ASAP1: variants seen among roughly 807,000 people sequenced by gnomAD.
ASAP1 encodes ArfGAP with SH3 domain, ankyrin repeat and PH domain 1.
A neutral mutation model predicts 145.2 loss-of-function variants in ASAP1; 43 were observed. That is an observed-to-expected ratio of 0.30 (90% CI 0.23 to 0.38). The LOEUF (loss-of-function observed/expected upper bound fraction) is 0.38. Among genes scored for constraint, ASAP1 ranks in the 10% least tolerant of loss-of-function variants. The pLI is 1.00. For synonymous variants in ASAP1, 546 were observed against 515.5 expected (o/e 1.06, Z -0.80); for missense variants, 1,018 against 1,355.3 (o/e 0.75, Z 3.91).
At chr8:130,139,054 G>A (rs2097602762) in intron 13 of ASAP1, among the ~76,000 whole-genome samples, 1 of 152,096 alleles carries the variant, frequency 6.6e-6, no homozygotes, top group Non-Finnish European at 1.5e-5. Context: ...CCCAGTTAAT[G>A]GTGAGAACAA....
intron 3 of ASAP1, among the ~76,000 whole-genome samples, chr8:130,289,027 A>C (rs901768053): frequency 6.6e-6 from 1 of 152,178 alleles, no homozygotes; most frequent in African/African-American, 2.4e-5. Context: ...TCTACTAAAA[A>C]TACAAAAAAT....
intron 4 of ASAP1, among the ~76,000 whole-genome samples, chr8:130,231,667 G>A (rs1817915598): frequency 6.6e-6 from 1 of 152,198 alleles, no homozygotes; most frequent in South Asian, 2.1e-4. Context: ...TACCTGTGTT[G>A]TGTGAGAATG....
chr8:130,412,968 A>G (rs1303209700), intron 1 of ASAP1, among the ~76,000 whole-genome samples: 1 of 152,220 alleles, frequency 6.6e-6, no homozygotes, highest in African/African-American at 2.4e-5. Flanking sequence ...TAACAAAGCT[A>G]GCATATATTG....
chr8:130,112,361 A>T, intron 23 of ASAP1, 39 bp from the exon 24 acceptor site: 1 of 1,584,132 alleles, frequency 6.3e-7, no homozygotes, highest in Non-Finnish European at 8.6e-7. Flanking sequence ...ATAATCAAGG[A>T]CCACCCTTCA....
At chr8:130,440,627 C>T (rs1830459712) in intron 1 of ASAP1, among the ~76,000 whole-genome samples, 1 of 152,052 alleles carries the variant, frequency 6.6e-6, no homozygotes, top group South Asian at 2.1e-4. Flanking sequence ...GTGATCTCGT[C>T]CCTGCTTCCC....
intron 4 of ASAP1, among the ~76,000 whole-genome samples, chr8:130,220,023 A>G (rs1426974521): frequency 6.6e-6 from 1 of 152,184 alleles, no homozygotes; most frequent in Non-Finnish European, 1.5e-5. Context: ...TCCTGGGCTC[A>G]TGTGTTCCTC....
intron 5 of ASAP1, among the ~76,000 whole-genome samples, chr8:130,207,111 A>G (rs1023277989): frequency 9.9e-5 from 15 of 152,212 alleles, no homozygotes; most frequent in African/African-American, 9.6e-5. Context: ...TAAACAAGAA[A>G]GCTGCATTGC....
intron 5 of ASAP1, among the ~76,000 whole-genome samples, chr8:130,201,331 T>G (rs977058621): frequency 1.6e-4 from 25 of 152,152 alleles, no homozygotes; most frequent in Admixed American, 3.9e-4. Context: ...CAAGACAAAT[T>G]ACACCATGTG....
chr8:130,232,626 A>C (rs1160073424), intron 4 of ASAP1, among the ~76,000 whole-genome samples: 1 of 151,872 alleles, frequency 6.6e-6, no homozygotes, highest in Non-Finnish European at 1.5e-5. Context: ...ATTTGTTTAA[A>C]AAAAAAAAAC....
At chr8:130,216,053 GAAAAGGA>G (rs1357298533) in intron 4 of ASAP1, among the ~76,000 whole-genome samples, 4 of 146,362 alleles carry the variant, frequency 2.7e-5, no homozygotes, top group Non-Finnish European at 6.1e-5. Context: ...GGAAAAGAAA[GAAAAGGA>G]AAAAGGAAAG....
chr8:130,377,772 G>A (rs1409292026), intron 2 of ASAP1, among the ~76,000 whole-genome samples: 4 of 152,110 alleles, frequency 2.6e-5, no homozygotes, highest in South Asian at 2.1e-4. Flanking sequence ...CAGCCCTCCC[G>A]GCTGTGTCTC....
intron 17 of ASAP1, among the ~76,000 whole-genome samples, chr8:130,125,694 TGAA>T (rs199570899): frequency 0.015 from 2,319 of 152,298 alleles, 34 homozygotes; most frequent in African/African-American, 0.039. Flanking sequence ...AATGTAGTTT[TGAA>T]GAAGACCATC....
chr8:130,060,199 G>C (rs1220486486), intron 28 of ASAP1, among the ~76,000 whole-genome samples: 1 of 151,904 alleles, frequency 6.6e-6, no homozygotes, highest in African/African-American at 2.4e-5. Context: ...AGGTTCCTAG[G>C]TAATAGTGAC....
intron 3 of ASAP1, among the ~76,000 whole-genome samples, chr8:130,319,702 C>A (rs1342076906): frequency 6.6e-6 from 1 of 152,110 alleles, no homozygotes; most frequent in African/African-American, 2.4e-5. Flanking sequence ...CAGAGCAACG[C>A]ACGTATTAAA....
intron 28 of ASAP1, among the ~76,000 whole-genome samples, chr8:130,058,761 A>C: frequency 6.6e-6 from 1 of 152,222 alleles, no homozygotes; most frequent in East Asian, 1.9e-4. Flanking sequence ...TTTTAAAAAA[A>C]GCAAGCTGTC....
intron 3 of ASAP1, among the ~76,000 whole-genome samples, chr8:130,318,223 A>T (rs1008252091): frequency 6.6e-6 from 1 of 152,186 alleles, no homozygotes; most frequent in African/African-American, 2.4e-5. Context: ...CTGGGGTTAC[A>T]GGCACATACC....
intron 24 of ASAP1, among the ~76,000 whole-genome samples, chr8:130,106,299 C>A (rs1362265208): frequency 6.6e-6 from 1 of 152,178 alleles, no homozygotes; most frequent in Admixed American, 6.5e-5. Context: ...AGATAAAAAA[C>A]CGCAGGAAAC....
At chr8:130,305,151 A>G (rs1015953266) in intron 3 of ASAP1, among the ~76,000 whole-genome samples, 2 of 152,152 alleles carry the variant, frequency 1.3e-5, no homozygotes, top group Admixed American at 6.5e-5. Flanking sequence ...ACACTGCCCA[A>G]CAATCATTCT....
At chr8:130,360,041 G>A (rs1381798643) in intron 2 of ASAP1, among the ~76,000 whole-genome samples, 2 of 152,220 alleles carry the variant, frequency 1.3e-5, no homozygotes, top group Non-Finnish European at 2.9e-5. Context: ...GTAGCAGAGT[G>A]GCTGTCAAAA....
Sources: allele counts gnomAD v4.1 joint callset (sites outside exome capture counted in the v4.1 genomes callset), GRCh38; gene constraint gnomAD v4.1.1; transcripts MANE v1.5; gene names NCBI Gene and HGNC (gene_info 2026-07-23, HGNC 2026-07-21).